The following VPS33A variants were observed in gnomAD, a reference collection of about 807,000 sequenced individuals.
VPS33A encodes VPS33A core subunit of CORVET and HOPS complexes.
In VPS33A, 32 loss-of-function variants were observed where a neutral mutation model predicts 71.8. The observed-to-expected ratio is 0.45, with a 90% CI of 0.34 to 0.60. VPS33A has a LOEUF of 0.60. VPS33A is among the 20% of genes least tolerant of loss of function. VPS33A has a pLI of 0.02. For synonymous variants in VPS33A, 311 were observed against 292.7 expected (o/e 1.06, Z -0.64); for missense variants, 625 against 748.5 (o/e 0.84, Z 1.92).
At chr12:122,239,784 AGGCATGGGAATC>A in intron 9 of VPS33A, 82 bp downstream of exon 9, 5 of 650,602 alleles carry the variant, frequency 7.7e-6, no homozygotes, top group South Asian at 3.5e-5. Flanking sequence ...AAAAAAGGCA[AGGCATGGGAATC>A]AAAGCAATTG....
chr12:122,249,701 G>A (rs1592921694), intron 6 of VPS33A, 170 bp downstream of exon 6: 1 of 535,142 alleles, frequency 1.9e-6, no homozygotes, highest in Non-Finnish European at 2.9e-6. Context: ...AAAGTTTTAT[G>A]TGTTGCTAAA....
chr12:122,253,115 T>C (rs1954866690), intron 4 of VPS33A: 1 of 152,176 alleles, frequency 6.6e-6, no homozygotes, highest in African/African-American at 2.4e-5. Context: ...CGTTTGGTTA[T>C]TATTGAGAGT....
At chr12:122,245,731 C>T (rs549291682) in intron 6 of VPS33A, among the ~76,000 whole-genome samples, 1 of 152,324 alleles carries the variant, frequency 6.6e-6, no homozygotes, top group South Asian at 2.1e-4. Flanking sequence ...AGGTGTGAGC[C>T]ACCATGCCCA....
Position 122,266,484 on chromosome 12 carries a change from C to G in VPS33A, c.-76G>C. On this transcript the variant is annotated 5_prime_UTR_variant, in exon 1 of 13. Coordinates refer to ENST00000267199, the MANE Select transcript of VPS33A (RefSeq NM_022916.6). ...TACGGGAGGACCACGGACGCAGTCA[C>G]GTGACCAAACGTCCACGTGACCGGT... 1 of 1,549,128 alleles carries G rather than the reference C, an allele frequency of 6.5e-7. No homozygotes were observed.
At chr12:122,233,031 G>T (rs543445291) in intron 11 of VPS33A, 63 bp from the exon 12 acceptor site, 77 of 1,439,302 alleles carry the variant, frequency 5.3e-5, no homozygotes, top group Non-Finnish European at 7.0e-5. Flanking sequence ...CCTGACTGTG[G>T]CCTTTTGGGT....
intron 9 of VPS33A, among the ~76,000 whole-genome samples, 158 bp downstream of exon 9, chr12:122,239,720 G>T (rs569814871): frequency 4.7e-4 from 52 of 110,544 alleles, no homozygotes; most frequent in African/African-American, 1.3e-3. Flanking sequence ...AACAGAGCAA[G>T]CTGGGTGACA....
rs57025568 is a variant in VPS33A at position 122,250,330 on chromosome 12, C to T, written c.601-285G>A. 3.0e-4 allele frequency among the ~76,000 whole-genome samples: 45 copies of T among 152,314 alleles called. 1 individual carries two copies. In the East Asian group the frequency reaches 8.3e-3, roughly 28 times the overall value. On this transcript the variant is annotated intron_variant, in intron 5 of 12. Coordinates refer to ENST00000267199, the MANE Select transcript of VPS33A (RefSeq NM_022916.6). The stretch of plus-strand genomic sequence containing the variant: ...GAAGTCACTGCAAACACTAAATTAG[C>T]GAAGATGGAACCACTGTTCCTAGGA...
chr12:122,250,460 T>A (rs1161223241), intron 5 of VPS33A, among the ~76,000 whole-genome samples: 7 of 152,198 alleles, frequency 4.6e-5, no homozygotes, highest in Non-Finnish European at 1.0e-4. Context: ...GATGCCTGAC[T>A]TAACATAATT....
intron 4 of VPS33A, among the ~76,000 whole-genome samples, chr12:122,258,425 A>T (rs1954946907): frequency 6.6e-6 from 1 of 152,138 alleles, no homozygotes; most frequent in Admixed American, 6.5e-5. Context: ...AAAAGAACTC[A>T]CAGAACAAAA....
chr12:122,239,776 AAAAGGC>A, intron 9 of VPS33A, 96 bp downstream of exon 9: 12 of 633,058 alleles, frequency 1.9e-5, no homozygotes, highest in Admixed American at 6.6e-5. Flanking sequence ...AAAAAAAAAA[AAAAGGC>A]AAGGCATGGG....
chr12:122,235,340 C>A (rs1954615737), intron 11 of VPS33A, among the ~76,000 whole-genome samples: 1 of 151,058 alleles, frequency 6.6e-6, no homozygotes, highest in Admixed American at 6.6e-5. Context: ...TCTGAGCTCA[C>A]TACAACCTCC....
At position 122,250,975 on chromosome 12, in the gene VPS33A, G is replaced by A. The variant is rs749874697; in HGVS notation, c.600+8C>T. The A allele has an allele frequency of 1.9e-6, 3 of 1,610,062 alleles. No individual in the cohort carries two copies. The South Asian group carries it at 3.3e-5, about 18-fold the overall frequency. On this transcript the variant is annotated splice_region_variant and intron_variant, in intron 5 of 12. Coordinates refer to ENST00000267199, the MANE Select transcript of VPS33A (RefSeq NM_022916.6). Reference sequence around the variant, plus strand: ...CTCCTTTACCACCACAAAGCAGCCGGTTCTCACCCGAGCGCATTCTCCTTT... The same window carrying A: ...CTCCTTTACCACCACAAAGCAGCCGATTCTCACCCGAGCGCATTCTCCTTT...
chr12:122,263,610 C>T lies in VPS33A; in HGVS notation c.258G>A (p.Arg86=). 1 of 1,613,240 alleles carries T rather than the reference C, an allele frequency of 6.2e-7. No homozygotes were observed. Among genetic ancestry groups the T allele is most frequent in the Non-Finnish European group, 8.5e-7 (1 of 1,179,426 alleles). ...VKNIIFFVRP[R]LELMDIIAEN... is the part of the protein sequence containing the mutation. ...CAGCGATTATATCCATCAACTCTAGCCTGGGTCTGACAAAAAAAATTATAT... is the reference window on the plus strand; with the variant it reads ...CAGCGATTATATCCATCAACTCTAGTCTGGGTCTGACAAAAAAAATTATAT... The change falls in exon 3 of 13, where the codon AGG becomes AGA. Residue 86 remains arginine (R), a synonymous_variant. Transcript: ENST00000267199.
intron 3 of VPS33A, among the ~76,000 whole-genome samples, chr12:122,263,182 G>A (rs181124522): frequency 5.5e-4 from 84 of 151,852 alleles, no homozygotes; most frequent in African/African-American, 1.3e-3. Context: ...TAGTAGAGAC[G>A]GGGTTTCACT....
At chr12:122,250,695 C>T (rs542600163) in intron 5 of VPS33A, among the ~76,000 whole-genome samples, 13 of 152,290 alleles carry the variant, frequency 8.5e-5, no homozygotes, top group African/African-American at 3.1e-4. Flanking sequence ...GAAAAGTACA[C>T]TTGTTTGCAG....
chr12:122,256,038 C>T (rs1954913619), intron 4 of VPS33A, among the ~76,000 whole-genome samples: 1 of 152,078 alleles, frequency 6.6e-6, no homozygotes. Flanking sequence ...TTAAGTGATC[C>T]TCCCACCTTG....
chr12:122,244,797 G>A (rs1954756829), intron 6 of VPS33A, 35 bp from the exon 7 acceptor site: 3 of 1,577,066 alleles, frequency 1.9e-6, no homozygotes, highest in Non-Finnish European at 2.6e-6. Flanking sequence ...GCACCTGTGT[G>A]CAATGACTGG....
intron 1 of VPS33A, 120 bp downstream of exon 1, chr12:122,266,187 G>C (rs767878271): frequency 2.0e-5 from 29 of 1,422,146 alleles, no homozygotes; most frequent in Admixed American, 9.4e-5. Flanking sequence ...GGGCCCTGAG[G>C]CTCGCCTCCT....
At position 122,249,987 on chromosome 12, in the gene VPS33A, A is replaced by G; in HGVS notation, c.659T>C (p.Ile220Thr). 3 of 1,614,162 alleles carry G rather than the reference A, an allele frequency of 1.9e-6. No individual in the cohort carries two copies. The highest frequency in any genetic ancestry group is 2.2e-5 in the South Asian group (2 of 91,074). Residue 220 changes from isoleucine (I) to threonine (T), a missense_variant, in exon 6 of 13, where the codon ATA (isoleucine) becomes ACA (threonine). Physicochemically the swap from Ile to Thr is moderately conservative, Grantham distance 89. Coordinates refer to ENST00000267199, the MANE Select transcript of VPS33A (RefSeq NM_022916.6). Reference sequence around the variant, plus strand: ...CAAGAGATTATCAAAAACAGGAAATATTGAATTCTGGCTTCCTGTAAACTC... The same window carrying G: ...CAAGAGATTATCAAAAACAGGAAATGTTGAATTCTGGCTTCCTGTAAACTC... ...KREFTGSQNS[I>T]FPVFDNLLLL...
Sources: allele counts gnomAD v4.1 joint callset (sites outside exome capture counted in the v4.1 genomes callset), GRCh38; gene constraint gnomAD v4.1.1; transcripts MANE v1.5; gene names NCBI Gene and HGNC (gene_info 2026-07-23, HGNC 2026-07-21).